Variants in DYNC2LI1 observed in about 807,000 individuals in gnomAD.
The protein encoded by DYNC2LI1 is dynein cytoplasmic 2 light intermediate chain 1.
A neutral mutation model predicts 51.9 loss-of-function variants in DYNC2LI1; 45 were observed. That is an observed-to-expected ratio of 0.87 (90% CI 0.68 to 1.11). The LOEUF (loss-of-function observed/expected upper bound fraction) is 1.11. DYNC2LI1 is among the 50% of genes most tolerant of loss of function. DYNC2LI1 has a pLI of 0.00. For missense variants in DYNC2LI1, 490 were observed against 417.4 expected (o/e 1.17, Z -1.51); for synonymous variants, 130 against 137.8 (o/e 0.94, Z 0.40).
At chr2:43,778,805 T>C (rs1673141787) in intron 2 of DYNC2LI1, among the ~76,000 whole-genome samples, 1 of 152,228 alleles carries the variant, frequency 6.6e-6, no homozygotes, top group South Asian at 2.1e-4. Flanking sequence ...TGTTTTGTTT[T>C]GTTTTTTTGT....
At chr2:43,808,216 G>A (rs1354829912) in intron 12 of DYNC2LI1, among the ~76,000 whole-genome samples, 1 of 151,222 alleles carries the variant, frequency 6.6e-6, no homozygotes, top group Non-Finnish European at 1.5e-5. Flanking sequence ...GACTACATAT[G>A]ATTATTACCA....
the DYNC2LI1 span, chr2:43,822,819 T>C: frequency 6.2e-7 from 1 of 1,613,966 alleles, no homozygotes; most frequent in East Asian, 2.2e-5. Context: ...CTGCTGAAAA[T>C]CATGGTGGCA....
chr2:43,819,963 A>G, the DYNC2LI1 span: 1 of 1,614,084 alleles, frequency 6.2e-7, no homozygotes, highest in African/African-American at 1.3e-5. Context: ...CAGCAGAGCC[A>G]CTACACTGTT....
intron 12 of DYNC2LI1, among the ~76,000 whole-genome samples, chr2:43,807,621 G>A (rs375384722): frequency 6.6e-6 from 1 of 150,886 alleles, no homozygotes; most frequent in Non-Finnish European, 1.5e-5. Context: ...TTTGTTTTTT[G>A]TTGCCCAGGC....
chr2:43,790,839 T>C (rs955128620), intron 5 of DYNC2LI1, among the ~76,000 whole-genome samples: 1 of 152,204 alleles, frequency 6.6e-6, no homozygotes, highest in African/African-American at 2.4e-5. Flanking sequence ...TTTACAGTTA[T>C]ATAGTTTTTC....
chr2:43,826,565 C>T, the DYNC2LI1 span: 1 of 1,613,558 alleles, frequency 6.2e-7, no homozygotes. Flanking sequence ...GTGCAGAGCC[C>T]AGGCTCTGTG....
In DYNC2LI1 at chr2:43,783,566, G is replaced by A; in HGVS notation, c.161+12G>A. 1 of 1,506,618 alleles carries A rather than the reference G, an allele frequency of 6.6e-7. No homozygotes were observed. Among genetic ancestry groups the A allele is most frequent in the Non-Finnish European group, 8.9e-7 (1 of 1,126,054 alleles). The allele number at this position is 1,506,618 out of a possible 1,614,324, so 93.3% of individuals were successfully genotyped here. A position where few individuals can be genotyped will look rare whatever the true frequency, so the allele number is the denominator to read the frequency against. On this transcript the variant is annotated intron_variant, in intron 3 of 12. Coordinates refer to ENST00000260605, the MANE Select transcript of DYNC2LI1 (RefSeq NM_016008.4). ...AGGTGTCTTGACAGGTAAGTGTTAT[G>A]TTAACCTTTAAACTATATTTATGCT... is the stretch of plus-strand genomic sequence containing the variant.
Position 43,809,831 on chromosome 2 carries a change from A to C in DYNC2LI1, c.*64A>C. On this transcript the variant is annotated 3_prime_UTR_variant, in exon 13 of 13. Transcript: ENST00000260605. Reference sequence around the variant, plus strand: ...AAATACAAATAAGATTATACTGTGAATTAACTATTGTGGCAATATGTGAAG... The same window carrying C: ...AAATACAAATAAGATTATACTGTGACTTAACTATTGTGGCAATATGTGAAG... 6.5e-7 allele frequency: 1 copy of C among 1,538,542 alleles called. No homozygotes were observed. Among genetic ancestry groups the C allele is most frequent in the Non-Finnish European group, 8.7e-7 (1 of 1,144,800 alleles).
Position 43,789,503 on chromosome 2 carries a change from A to G in DYNC2LI1, c.232-130A>G, listed in dbSNP as rs1271383433. The G allele has an allele frequency of 4.2e-6, 3 of 706,768 alleles. No individual in the cohort carries two copies. The East Asian group carries it at 8.6e-5, about 20-fold the overall frequency. 43.8% of individuals were successfully genotyped at this position (706,768 alleles called of 1,614,324 possible). ...CATTTTGAGGGATGGGATAAAGGAA[A>G]AAATTTTGACTGCCAAGAAAGGGTT... On this transcript the variant is annotated intron_variant, in intron 4 of 12. Coordinates refer to ENST00000260605, the MANE Select transcript of DYNC2LI1 (RefSeq NM_016008.4).
At chr2:43,794,999 C>T (rs982244640) in intron 6 of DYNC2LI1, 3 of 1,166,774 alleles carry the variant, frequency 2.6e-6, no homozygotes, top group Non-Finnish European at 3.2e-6. Flanking sequence ...GATGAAGCTA[C>T]AACTTTAAGC....
At chr2:43,781,713 C>G (rs776340871) in intron 2 of DYNC2LI1, 1 of 151,530 alleles carries the variant, frequency 6.6e-6, no homozygotes, top group Non-Finnish European at 1.5e-5. Context: ...CACCATTCTC[C>G]TGCCTCAGCC....
downstream of DYNC2LI1, chr2:43,813,001 A>G: frequency 1.4e-6 from 1 of 712,010 alleles, no homozygotes; most frequent in Non-Finnish European, 2.6e-6. Flanking sequence ...CTTAATGGTT[A>G]AAAGACTTGA....
chr2:43,809,430 A>G (rs1337458033), intron 12 of DYNC2LI1, among the ~76,000 whole-genome samples: 3 of 152,230 alleles, frequency 2.0e-5, no homozygotes, highest in East Asian at 3.8e-4. Flanking sequence ...AAGACAATTC[A>G]TATGTATTAT....
At chr2:43,823,960 A>G in the DYNC2LI1 span, 2 of 1,614,212 alleles carry the variant, frequency 1.2e-6, no homozygotes, top group East Asian at 4.5e-5. Context: ...GGCGCCCACA[A>G]ACTGGTAAAG....
At chr2:43,805,393 A>G (rs985691582) in intron 12 of DYNC2LI1, 147 bp downstream of exon 12, 2 of 498,182 alleles carry the variant, frequency 4.0e-6, no homozygotes, top group Admixed American at 3.7e-5. Context: ...ATCTATTTAA[A>G]TAACACACTA....
At position 43,776,841 on chromosome 2, in the gene DYNC2LI1, A is replaced by G. The variant is rs777998735; in HGVS notation, c.68A>G (p.Glu23Gly). Reference protein sequence around the residue: ...EVEKRGINGSEGDGAEIAEKF... With the variant: ...EVEKRGINGSGGDGAEIAEKF... ...GAAAAAAGGGGAATTAATGGAAGTGAAGGTGATGGAGCTGAAATTGCAGAA... is the reference window on the plus strand; with the variant it reads ...GAAAAAAGGGGAATTAATGGAAGTGGAGGTGATGGAGCTGAAATTGCAGAA... The change falls in exon 2 of 13, where the codon GAA becomes GGA. Residue 23 changes from glutamate to glycine, a missense_variant. Glu to Gly is a moderately conservative substitution (Grantham distance 98). Coordinates refer to ENST00000260605, the MANE Select transcript of DYNC2LI1 (RefSeq NM_016008.4). 1.9e-6 allele frequency: 3 copies of G among 1,604,664 alleles called. No homozygotes were observed. The South Asian group carries it at 3.4e-5, about 18-fold the overall frequency.
the DYNC2LI1 span, chr2:43,824,306 C>T: frequency 6.2e-7 from 1 of 1,614,182 alleles, no homozygotes; most frequent in Non-Finnish European, 8.5e-7. Context: ...GTGTTTCATT[C>T]TTTCAATATT....
the DYNC2LI1 span, chr2:43,822,668 A>G: frequency 2.6e-6 from 4 of 1,556,444 alleles, no homozygotes; most frequent in Non-Finnish European, 2.6e-6. Context: ...ACATTGCACT[A>G]GACACTGATG....
Position 43,800,895 on chromosome 2 carries a change from T to G in DYNC2LI1, c.709T>G (p.Leu237Val). 1.2e-6 allele frequency: 2 copies of G among 1,603,366 alleles called. No individual in the cohort carries two copies. Among genetic ancestry groups the G allele is most frequent in the East Asian group, 2.2e-5 (1 of 44,586 alleles). Reference protein sequence around the residue: ...LLKIRGVINQLAFGIDKSKSI... With the variant: ...LLKIRGVINQVAFGIDKSKSI... ...AAAAATACGTGGAGTTATCAACCAGTTGGCATTTGGCATTGACAAAAGGTA... is the reference window on the plus strand; with the variant it reads ...AAAAATACGTGGAGTTATCAACCAGGTGGCATTTGGCATTGACAAAAGGTA... Residue 237 changes from leucine to valine, a missense_variant, in exon 9 of 13, where the codon TTG becomes GTG. Leu to Val is a conservative substitution (Grantham distance 32, BLOSUM62 1). Coordinates refer to ENST00000260605, the MANE Select transcript of DYNC2LI1 (RefSeq NM_016008.4).
Sources: gnomAD v4.1 joint callset for allele counts (sites outside exome capture counted in the v4.1 genomes callset) on GRCh38, gnomAD v4.1.1 for gene constraint, MANE v1.5 for transcripts, NCBI Gene and HGNC (gene_info 2026-07-23, HGNC 2026-07-21) for gene names.